The following GBF1 variants were observed in gnomAD, a reference collection of about 807,000 sequenced individuals.
GBF1 encodes the protein golgi brefeldin A resistant guanine nucleotide exchange factor 1, also known as Golgi-specific brefeldin A-resistance guanine nucleotide exchange factor 1.
GBF1 carries 114 observed loss-of-function variants against 210.5 expected under a neutral mutation model. That is an observed-to-expected ratio of 0.54 (90% CI 0.47 to 0.63). GBF1 has a LOEUF of 0.63. GBF1 is among the 30% of genes least tolerant of loss of function. The pLI, the probability that GBF1 is intolerant of heterozygous loss-of-function variation, is 0.00. For missense variants in GBF1, 1,851 were observed against 2,357.7 expected, an observed-to-expected ratio of 0.79 and a Z score of 4.45; for synonymous variants, 850 against 889.2, an observed-to-expected ratio of 0.96 and a Z score of 0.78.
intron 1 of GBF1, among the ~76,000 whole-genome samples, chr10:102,256,400 TG>T (rs1439867653): frequency 6.6e-6 from 1 of 152,186 alleles, no homozygotes; most frequent in Non-Finnish European, 1.5e-5. Flanking sequence ...TGTCTGTTTT[TG>T]TATCTATTCC....
At chr10:102,375,613 T>G in intron 30 of GBF1, 29 bp downstream of exon 30, 1 of 1,452,310 alleles carries the variant, frequency 6.9e-7, no homozygotes, top group Non-Finnish European at 9.6e-7. Flanking sequence ...AGACTCAGGC[T>G]GGCAGATAAA....
intron 3 of GBF1, among the ~76,000 whole-genome samples, chr10:102,325,591 T>A (rs1254193719): frequency 1.3e-5 from 2 of 150,678 alleles, no homozygotes; most frequent in Admixed American, 1.3e-4. Flanking sequence ...TGAGAAGGAC[T>A]ATAGGGCTTT....
intron 1 of GBF1, among the ~76,000 whole-genome samples, chr10:102,257,300 G>A (rs948587485): frequency 5.9e-5 from 9 of 151,996 alleles, no homozygotes; most frequent in Non-Finnish European, 1.2e-4. Context: ...GCAGTCATTT[G>A]TTTATATTTA....
At chr10:102,237,790 C>T in the GBF1 span, among the ~76,000 whole-genome samples, 2 of 151,704 alleles carry the variant, frequency 1.3e-5, no homozygotes, top group African/African-American at 4.9e-5. Context: ...TAATATAAAA[C>T]CCCCCAATCT....
At chr10:102,315,219 T>A (rs1427962042) in intron 3 of GBF1, among the ~76,000 whole-genome samples, 1 of 152,210 alleles carries the variant, frequency 6.6e-6, no homozygotes, top group Non-Finnish European at 1.5e-5. Context: ...ATGTTCATGG[T>A]CCTCTACTTC....
At position 102,321,056 on chromosome 10, in the gene GBF1, G is replaced by A. The variant is rs529174818; in HGVS notation, c.164-22995G>A. On this transcript the variant is annotated intron_variant, in intron 3 of 39. Coordinates refer to ENST00000369983, the MANE Select transcript of GBF1 (RefSeq NM_001377137.1). ...AGTGATCCACCCACCTTGGCCTCCC[G>A]AAGTGCTGGGATTACAGGCATAAGC... is the stretch of plus-strand genomic sequence containing the variant. Among the ~76,000 whole-genome samples, 227 of 152,070 alleles carry A rather than the reference G, an allele frequency of 1.5e-3. 1 individual carries two copies. The highest frequency in any genetic ancestry group is 5.3e-3 in the African/African-American group (219 of 41,496).
Position 102,351,932 on chromosome 10 carries a change from C to CT in GBF1, c.507dup (p.Glu170Ter). 1 of 1,600,890 alleles carries CT rather than the reference C, an allele frequency of 6.2e-7. No homozygotes were observed. Among genetic ancestry groups the CT allele is most frequent in the Non-Finnish European group, 8.6e-7 (1 of 1,167,954 alleles). ...TTATGCAGTCTTGCTTCCGGATCTGCTTTGAAATGAGGCTCAGTGGTAGGT... is the reference window on the plus strand; with the variant it reads ...TTATGCAGTCTTGCTTCCGGATCTGCTTTTGAAATGAGGCTCAGTGGTAGGT... On this transcript the variant is annotated frameshift_variant, in exon 6 of 40. Coordinates refer to ENST00000369983, the MANE Select transcript of GBF1 (RefSeq NM_001377137.1). LOFTEE classifies it high-confidence loss of function.
At chr10:102,312,423 A>C (rs529759797) in intron 3 of GBF1, among the ~76,000 whole-genome samples, 1 of 152,106 alleles carries the variant, frequency 6.6e-6, no homozygotes, top group Non-Finnish European at 1.5e-5. Flanking sequence ...CTCTATGTGT[A>C]GGTTGGTTGG....
chr10:102,258,056 T>C (rs933628751), intron 1 of GBF1, among the ~76,000 whole-genome samples: 2 of 152,080 alleles, frequency 1.3e-5, no homozygotes, highest in African/African-American at 4.8e-5. Flanking sequence ...TTGAGTTGTA[T>C]CTTGAACTAC....
At chr10:102,253,851 G>A (rs1245486248) in intron 1 of GBF1, among the ~76,000 whole-genome samples, 2 of 152,184 alleles carry the variant, frequency 1.3e-5, no homozygotes, top group Non-Finnish European at 2.9e-5. Context: ...TTTCAGGAAT[G>A]TAAAGTGGTA....
At chr10:102,360,911 G>A (rs767017633) in intron 12 of GBF1, 111 bp from the exon 13 acceptor site, 1 of 686,368 alleles carries the variant, frequency 1.5e-6, no homozygotes, top group Non-Finnish European at 2.6e-6. Flanking sequence ...GGAGGCAGAG[G>A]TTGCAGTGAG....
At chr10:102,267,245 C>G (rs2073952985) in intron 3 of GBF1, among the ~76,000 whole-genome samples, 1 of 152,178 alleles carries the variant, frequency 6.6e-6, no homozygotes, top group Non-Finnish European at 1.5e-5. Context: ...TGGCTCACAC[C>G]TGTAATCCCA....
chr10:102,238,902 C>G, the GBF1 span, among the ~76,000 whole-genome samples: 1 of 152,160 alleles, frequency 6.6e-6, no homozygotes, highest in Non-Finnish European at 1.5e-5. Flanking sequence ...ATTTCTACTT[C>G]CTGCCTCTAT....
At chr10:102,278,444 T>A (rs1451895542) in intron 3 of GBF1, among the ~76,000 whole-genome samples, 1 of 152,190 alleles carries the variant, frequency 6.6e-6, no homozygotes, top group Non-Finnish European at 1.5e-5. Flanking sequence ...CACAGCCAGC[T>A]GACATTGACA....
chr10:102,305,909 G>T (rs866428627), intron 3 of GBF1, among the ~76,000 whole-genome samples: 1 of 152,164 alleles, frequency 6.6e-6, no homozygotes, highest in Non-Finnish European at 1.5e-5. Context: ...AGGGTAAAAG[G>T]AGAGCATCCC....
intron 3 of GBF1, among the ~76,000 whole-genome samples, chr10:102,301,637 C>A (rs1190448872): frequency 6.8e-6 from 1 of 146,756 alleles, no homozygotes; most frequent in African/African-American, 2.6e-5. Context: ...GGGTCGCGGC[C>A]GGGCAGAGGC....
At chr10:102,375,646 A>T in intron 30 of GBF1, 62 bp downstream of exon 30, 2 of 1,058,578 alleles carry the variant, frequency 1.9e-6, no homozygotes, top group Non-Finnish European at 2.9e-6. Flanking sequence ...AGGAGTTGGG[A>T]CAGGAAAACA....
At chr10:102,310,291 G>T (rs1347542800) in intron 3 of GBF1, among the ~76,000 whole-genome samples, 1 of 152,178 alleles carries the variant, frequency 6.6e-6, no homozygotes, top group Non-Finnish European at 1.5e-5. Flanking sequence ...TTTCAAACTA[G>T]CTTCCTAAGA....
chr10:102,381,339 G>T, intron 39 of GBF1, 84 bp downstream of exon 39: 1 of 1,411,134 alleles, frequency 7.1e-7, no homozygotes, highest in Non-Finnish European at 9.8e-7. Flanking sequence ...TGGGAATGCT[G>T]CTGAGCAGGG....
Sources: gnomAD v4.1 joint callset for allele counts (sites outside exome capture counted in the v4.1 genomes callset) on GRCh38, gnomAD v4.1.1 for gene constraint, MANE v1.5 for transcripts, NCBI Gene and HGNC (gene_info 2026-07-23, HGNC 2026-07-21) for gene names.